The following ATP11B variants were observed in gnomAD, a reference collection of about 807,000 sequenced individuals.
ATP11B encodes the protein phospholipid-transporting ATPase IF.
A neutral mutation model predicts 157.8 loss-of-function variants in ATP11B; 81 were observed. The observed-to-expected ratio is 0.51, with a 90% CI of 0.43 to 0.62. The LOEUF is 0.62. Ranked by LOEUF, ATP11B falls within the 20% of genes least tolerant of loss-of-function variation. The pLI, the probability that ATP11B is intolerant of heterozygous loss-of-function variation, is 0.00. For synonymous variants in ATP11B, 451 were observed against 469.4 expected (o/e 0.96, Z 0.51); for missense variants, 1,165 against 1,402.2 (o/e 0.83, Z 2.70).
At position 182,869,318 on chromosome 3, in the gene ATP11B, A is replaced by G. The variant is rs776131632; in HGVS notation, c.1853A>G (p.Asp618Gly). Reference protein sequence around the residue: ...GEIEKTRIHVDEFALKGLRTL... With the variant: ...GEIEKTRIHVGEFALKGLRTL... Reference sequence around the variant, plus strand: ...ATAGAAAAAACCAGAATTCATGTAGATGAATTTGCTTTGGTGAGTGCAAAT... The same window carrying G: ...ATAGAAAAAACCAGAATTCATGTAGGTGAATTTGCTTTGGTGAGTGCAAAT... The change falls in exon 17 of 30, where the codon GAT becomes GGT. Residue 618 changes from aspartate to glycine, a missense_variant. Asp to Gly is a moderately conservative substitution (Grantham distance 94). Coordinates refer to ENST00000323116, the MANE Select transcript of ATP11B (RefSeq NM_014616.3). The G allele has an allele frequency of 1.2e-6, 2 of 1,600,984 alleles. No individual in the cohort carries two copies. Among genetic ancestry groups the G allele is most frequent in the South Asian group, 2.3e-5 (2 of 88,098 alleles).
At chr3:182,866,138 A>G (rs1721213556) in intron 13 of ATP11B, 130 bp from the exon 14 acceptor site, 1 of 663,812 alleles carries the variant, frequency 1.5e-6, no homozygotes, top group Admixed American at 3.8e-5. Context: ...GAAGGCAGAA[A>G]CAACCAACTG....
chr3:182,857,974 A>G lies in ATP11B; in HGVS notation c.948A>G (p.Lys316=). The change falls in exon 11 of 30, where the codon AAA becomes AAG. Residue 316 remains lysine, a synonymous_variant. Transcript: ENST00000323116. ...ILKYTWQAEE[K]WDEPWYNQKT... Reference sequence around the variant, plus strand: ...AGTATACATGGCAAGCTGAAGAAAAATGGGATGAACCTTGGTATAACCAAA... The same window carrying G: ...AGTATACATGGCAAGCTGAAGAAAAGTGGGATGAACCTTGGTATAACCAAA... 2 of 1,612,896 alleles carry G rather than the reference A, an allele frequency of 1.2e-6. No individual in the cohort carries two copies. The highest frequency in any genetic ancestry group is 1.7e-6 in the Non-Finnish European group (2 of 1,179,070).
chr3:182,811,638 C>T (rs1716675028), intron 1 of ATP11B, among the ~76,000 whole-genome samples: 1 of 151,968 alleles, frequency 6.6e-6, no homozygotes, highest in Admixed American at 6.6e-5. Flanking sequence ...GAATAGCAAC[C>T]AATCGGAAAA....
intron 28 of ATP11B, among the ~76,000 whole-genome samples, chr3:182,899,237 A>G (rs1363851295): frequency 6.7e-6 from 1 of 149,414 alleles, no homozygotes; most frequent in Non-Finnish European, 1.5e-5. Context: ...ATCACTGCAA[A>G]CTCTGCCTCC....
rs755947299 is a variant in ATP11B at position 182,836,433 on chromosome 3, T to A, written c.515T>A (p.Val172Asp). The change falls in exon 6 of 30, where the codon GTT becomes GAT. Residue 172 changes from valine to aspartate, a missense_variant. Coordinates refer to ENST00000323116, the MANE Select transcript of ATP11B (RefSeq NM_014616.3). ...SSDRLDGSCH[V>D]TTASLDGETN... is the part of the protein sequence containing the mutation. ...GATCGACTGGATGGTTCCTGTCACG[T>A]TACAACTGCTAGTTTGGACGGAGAA... The A allele has an allele frequency of 6.2e-7, 1 of 1,613,980 alleles. No homozygotes were observed. Among genetic ancestry groups the A allele is most frequent in the Non-Finnish European group, 8.5e-7 (1 of 1,179,874 alleles).
chr3:182,812,578 C>T (rs1224321794), intron 1 of ATP11B, among the ~76,000 whole-genome samples: 2 of 152,116 alleles, frequency 1.3e-5, no homozygotes, highest in African/African-American at 2.4e-5. Flanking sequence ...CTCTGTGTTT[C>T]CATACATGGA....
intron 25 of ATP11B, 41 bp from the exon 26 acceptor site, chr3:182,896,659 T>G: frequency 6.6e-7 from 1 of 1,511,146 alleles, no homozygotes; most frequent in South Asian, 1.1e-5. Flanking sequence ...CATTTAACAT[T>G]ATGTTAACAC....
chr3:182,847,627 T>C (rs1577015135), intron 9 of ATP11B, among the ~76,000 whole-genome samples: 2 of 152,348 alleles, frequency 1.3e-5, no homozygotes, highest in South Asian at 4.1e-4. Context: ...TGAAAGGTTC[T>C]ATATTGCTTT....
At chr3:182,802,276 C>G (rs1011277879) in intron 1 of ATP11B, among the ~76,000 whole-genome samples, 6 of 152,160 alleles carry the variant, frequency 3.9e-5, no homozygotes, top group Non-Finnish European at 7.4e-5. Flanking sequence ...CATTGTTTCT[C>G]CCCTTCTGTC....
At chr3:182,826,724 A>G (rs1008060480) in intron 2 of ATP11B, among the ~76,000 whole-genome samples, 2 of 152,188 alleles carry the variant, frequency 1.3e-5, no homozygotes, top group Non-Finnish European at 2.9e-5. Flanking sequence ...GTTTGTTGCT[A>G]TTGGACTAGT....
intron 1 of ATP11B, among the ~76,000 whole-genome samples, chr3:182,798,395 A>G (rs1715764842): frequency 6.6e-6 from 1 of 152,232 alleles, no homozygotes; most frequent in African/African-American, 2.4e-5. Context: ...GAATGAATGA[A>G]GGAATAGAAA....
intron 28 of ATP11B, among the ~76,000 whole-genome samples, chr3:182,911,479 C>G (rs982019003): frequency 1.3e-5 from 2 of 151,926 alleles, no homozygotes; most frequent in South Asian, 2.1e-4. Flanking sequence ...GATTCAAGCC[C>G]CAGATTAAGT....
rs574859310 is a variant in ATP11B at position 182,831,629 on chromosome 3, A to G, written c.315+1877A>G. ...AGCTACACTCCTCTACTTGTCCTCGAACACAGTAAGCATGCTCCTATCTCA... is the reference window on the plus strand; with the variant it reads ...AGCTACACTCCTCTACTTGTCCTCGGACACAGTAAGCATGCTCCTATCTCA... On this transcript the variant is annotated intron_variant, in intron 4 of 29. Coordinates refer to ENST00000323116, the MANE Select transcript of ATP11B (RefSeq NM_014616.3). Among the ~76,000 whole-genome samples, 5 of 151,900 alleles carry G rather than the reference A, an allele frequency of 3.3e-5. No homozygotes were observed. The South Asian group carries it at 1.0e-3, about 32-fold the overall frequency.
chr3:182,899,938 G>A (rs947205430), intron 28 of ATP11B, among the ~76,000 whole-genome samples: 11 of 152,040 alleles, frequency 7.2e-5, no homozygotes, highest in South Asian at 6.2e-4. Flanking sequence ...TATGCCCTGA[G>A]CTTATTAATC....
chr3:182,855,564 A>G (rs989739860), intron 10 of ATP11B, among the ~76,000 whole-genome samples: 1 of 152,184 alleles, frequency 6.6e-6, no homozygotes, highest in Non-Finnish European at 1.5e-5. Flanking sequence ...GTGCTGTGAA[A>G]GACCCTCTTA....
chr3:182,889,379 A>AACTAAAC, intron 24 of ATP11B, 31 bp from the exon 25 acceptor site: 1 of 1,444,316 alleles, frequency 6.9e-7, no homozygotes, highest in African/African-American at 1.5e-5. Flanking sequence ...AATGATCCCT[A>AACTAAAC]ATATGTTTCT....
At position 182,919,103 on chromosome 3, in the gene ATP11B, G is replaced by A. The variant is rs1372437044; in HGVS notation, c.*999G>A. On this transcript the variant is annotated 3_prime_UTR_variant, in exon 30 of 30. Coordinates refer to ENST00000323116, the MANE Select transcript of ATP11B (RefSeq NM_014616.3). ...TTAATTATACAAATCAGAATAGTAT[G>A]GGTAATTAAATGAATACAAAAAGAA... The A allele has an allele frequency of 2.6e-5, 4 of 152,240 alleles. No individual in the cohort carries two copies. The highest frequency in any genetic ancestry group is 4.4e-5 in the Non-Finnish European group (3 of 67,978). 9.4% of individuals were successfully genotyped at this position (152,240 alleles called of 1,614,324 possible). A position where few individuals can be genotyped will look rare whatever the true frequency, so the allele number is the denominator to read the frequency against.
intron 7 of ATP11B, among the ~76,000 whole-genome samples, chr3:182,838,288 T>C (rs893208182): frequency 8.6e-5 from 13 of 151,994 alleles, no homozygotes; most frequent in African/African-American, 3.1e-4. Flanking sequence ...GATTTCTATA[T>C]TGCTGTTATA....
At chr3:182,799,289 T>C (rs540801739) in intron 1 of ATP11B, among the ~76,000 whole-genome samples, 61 of 152,184 alleles carry the variant, frequency 4.0e-4, no homozygotes, top group Admixed American at 1.3e-3. Context: ...TTCTTTTTTT[T>C]TTTTTTTTGG....
Sources: allele counts gnomAD v4.1 joint callset (sites outside exome capture counted in the v4.1 genomes callset), GRCh38; gene constraint gnomAD v4.1.1; transcripts MANE v1.5; gene names NCBI Gene and HGNC (gene_info 2026-07-23, HGNC 2026-07-21).